PEAK1: variants seen among roughly 807,000 people sequenced by gnomAD.
PEAK1 encodes the protein inactive tyrosine-protein kinase PEAK1.
Under a neutral mutation model 124.7 loss-of-function variants are expected in PEAK1, and 54 were observed. That is an observed-to-expected ratio of 0.43 (90% CI 0.35 to 0.54). The LOEUF (loss-of-function observed/expected upper bound fraction) is 0.54. PEAK1 is among the 20% of genes least tolerant of loss of function. PEAK1 has a pLI of 0.01. For missense variants in PEAK1, 2,046 were observed against 2,134.5 expected (o/e 0.96, Z 0.82); for synonymous variants, 719 against 760.0 (o/e 0.95, Z 0.89).
At chr15:77,315,615 TA>T (rs200451882) in intron 2 of PEAK1, among the ~76,000 whole-genome samples, 10 of 146,802 alleles carry the variant, frequency 6.8e-5, no homozygotes, top group African/African-American at 2.3e-4. Context: ...CACGGATGAG[TA>T]AAAAAAATAA....
chr15:77,176,676 T>A (rs911720492), intron 7 of PEAK1, among the ~76,000 whole-genome samples: 3 of 152,176 alleles, frequency 2.0e-5, no homozygotes, highest in African/African-American at 7.2e-5. Context: ...ATGTATAACC[T>A]AATTGTGAAA....
At position 77,210,884 on chromosome 15, in the gene PEAK1, T is replaced by C. The variant is rs1428174829; in HGVS notation, c.-114-28844A>G. On this transcript the variant is annotated intron_variant, in intron 6 of 9. Transcript: ENST00000682557. ...TGCTCAGGGCGACAGAGCAAGTCTC[T>C]GTCTCAAAAAACAAAAACAAAATTC... Among the ~76,000 whole-genome samples the C allele has an allele frequency of 2.0e-5, 3 of 152,196 alleles. 1 individual carries two copies. The East Asian group carries it at 5.8e-4, about 29-fold the overall frequency.
Position 77,245,565 on chromosome 15 carries a change from G to A in PEAK1, c.-115+6802C>T, listed in dbSNP as rs557566125. 1.7e-3 allele frequency among the ~76,000 whole-genome samples: 254 copies of A among 152,126 alleles called. 1 individual carries two copies. The highest frequency in any genetic ancestry group is 5.9e-3 in the African/African-American group (243 of 41,526). On this transcript the variant is annotated intron_variant, in intron 6 of 9. Coordinates refer to ENST00000682557, the MANE Select transcript of PEAK1 (RefSeq NM_001385026.1). Reference sequence around the variant, plus strand: ...AATACAAAAATTAGCCGGGCGTGGTGGCACACACCTGTAGTCCCAGCTACT... The same window carrying A: ...AATACAAAAATTAGCCGGGCGTGGTAGCACACACCTGTAGTCCCAGCTACT...
intron 2 of PEAK1, among the ~76,000 whole-genome samples, chr15:77,323,393 C>CCCCATTAAGG (rs2065361388): frequency 6.6e-6 from 1 of 152,152 alleles, no homozygotes; most frequent in African/African-American, 2.4e-5. Flanking sequence ...CCCATTGTCT[C>CCCCATTAAGG]AGCCCAAAAT....
chr15:77,265,937 G>T (rs1483536053), intron 5 of PEAK1, among the ~76,000 whole-genome samples: 10 of 152,132 alleles, frequency 6.6e-5, no homozygotes, highest in East Asian at 1.9e-4. Flanking sequence ...TAAAAAATGA[G>T]GAGTTCATGT....
At chr15:77,285,510 T>C (rs572072549) in intron 3 of PEAK1, among the ~76,000 whole-genome samples, 1 of 152,288 alleles carries the variant, frequency 6.6e-6, no homozygotes, top group Non-Finnish European at 1.5e-5. Context: ...TAGGGAACAT[T>C]GTGACATAAT....
At chr15:77,261,414 G>C (rs1243983302) in intron 5 of PEAK1, among the ~76,000 whole-genome samples, 1 of 152,164 alleles carries the variant, frequency 6.6e-6, no homozygotes, top group Non-Finnish European at 1.5e-5. Context: ...AACCAATGCA[G>C]AGAAGTCCTT....
Position 77,133,488 on chromosome 15 carries a change from A to G in PEAK1, c.3594T>C (p.Ser1198=). 6.2e-7 allele frequency: 1 copy of G among 1,614,242 alleles called. No individual in the cohort carries two copies. The highest frequency in any genetic ancestry group is 1.7e-5 in the Admixed American group (1 of 60,028). ...GTTCATAGCTGATGGAAGAACCAGC[A>G]CTGCTGGCATCCCAGTTGGGGTCGA... ...YDIDPNWDAS[S]AGSSISYELK... is the part of the protein sequence containing the mutation. The change falls in exon 9 of 10, where the codon AGT becomes AGC. Residue 1198 remains serine (S), a synonymous_variant. Coordinates refer to ENST00000682557, the MANE Select transcript of PEAK1 (RefSeq NM_001385026.1). This position sits in a 1 kb window ranked among gnomAD's most constrained non-coding sequence, Gnocchi z 4.2.
At chr15:77,167,906 G>A (rs1358000801) in intron 7 of PEAK1, among the ~76,000 whole-genome samples, 1 of 151,718 alleles carries the variant, frequency 6.6e-6, no homozygotes, top group East Asian at 1.9e-4. Flanking sequence ...CCCCACGACA[G>A]GCCCCGGTGT....
chr15:77,289,076 C>G (rs7163620), intron 2 of PEAK1, among the ~76,000 whole-genome samples: 54,817 of 151,924 alleles, frequency 0.36, 10,034 homozygotes, highest in Non-Finnish European at 0.38. Flanking sequence ...CTATAAAGAG[C>G]CTTAGATACT....
intron 6 of PEAK1, among the ~76,000 whole-genome samples, chr15:77,218,311 T>C (rs756184932): frequency 6.6e-6 from 1 of 152,130 alleles, no homozygotes; most frequent in Non-Finnish European, 1.5e-5. Flanking sequence ...TCCCCATTAC[T>C]TTGATACAAA....
chr15:77,227,421 A>T (rs1300561308), intron 6 of PEAK1, among the ~76,000 whole-genome samples: 2 of 152,138 alleles, frequency 1.3e-5, no homozygotes, highest in African/African-American at 4.8e-5. Context: ...AATGAACAAC[A>T]TACAGACAGG....
At chr15:77,271,333 G>A (rs1221211044) in intron 5 of PEAK1, among the ~76,000 whole-genome samples, 1 of 152,102 alleles carries the variant, frequency 6.6e-6, no homozygotes, top group African/African-American at 2.4e-5. Flanking sequence ...ACTGTTGGTG[G>A]GACTGTAAAC....
At chr15:77,308,355 C>T (rs940749633) in intron 2 of PEAK1, among the ~76,000 whole-genome samples, 13 of 152,022 alleles carry the variant, frequency 8.6e-5, no homozygotes, top group African/African-American at 2.2e-4. Context: ...CCCATGTAGG[C>T]GTTTGAAATA....
intron 1 of PEAK1, among the ~76,000 whole-genome samples, chr15:77,416,304 T>C (rs550523486): frequency 6.6e-6 from 1 of 152,344 alleles, no homozygotes; most frequent in South Asian, 2.1e-4. Context: ...AACAGAAATG[T>C]AGGAATCATC....
At chr15:77,313,644 A>ATGTGTGTGTGTGTGTG (rs1166778709) in intron 2 of PEAK1, among the ~76,000 whole-genome samples, 7 of 75,400 alleles carry the variant, frequency 9.3e-5, no homozygotes, top group Non-Finnish European at 1.4e-4. Flanking sequence ...GTATGTATGT[A>ATGTGTGTGTGTGTGTG]TGTATGTATG....
At chr15:77,285,516 A>G (rs2062878697) in intron 3 of PEAK1, among the ~76,000 whole-genome samples, 1 of 152,232 alleles carries the variant, frequency 6.6e-6, no homozygotes, top group Admixed American at 6.5e-5. Flanking sequence ...ACATTGTGAC[A>G]TAATGGAAGG....
At position 77,158,669 on chromosome 15, in the gene PEAK1, A is replaced by C; in HGVS notation, c.3165T>G (p.Asp1055Glu). The C allele has an allele frequency of 6.2e-7, 1 of 1,614,006 alleles. No homozygotes were observed. The highest frequency in any genetic ancestry group is 8.5e-7 in the Non-Finnish European group (1 of 1,179,924). Residue 1055 changes from aspartate to glutamate, a missense_variant, in exon 8 of 10, where the codon GAT becomes GAG. Coordinates refer to ENST00000682557, the MANE Select transcript of PEAK1 (RefSeq NM_001385026.1). ...CAGTTCTTGGATCCCGAGGAGAAAA[A>C]TCCTCTGTTACTTCATGGGTCATGT... ...LSHMTHEVTE[D>E]FSPRDPRTVV...
At position 77,182,009 on chromosome 15, in the gene PEAK1, G is replaced by T; in HGVS notation, c.-83C>A. The T allele has an allele frequency of 6.7e-7, 1 of 1,493,426 alleles. No homozygotes were observed. 92.5% of individuals were successfully genotyped at this position (1,493,426 alleles called of 1,614,324 possible). ...ATCTGTTAGTTTTCACTTCCCCTAT[G>T]TGTTACAGCAGCTCTTCTAAGAATG... On this transcript the variant is annotated 5_prime_UTR_variant, in exon 7 of 10. Coordinates refer to ENST00000682557, the MANE Select transcript of PEAK1 (RefSeq NM_001385026.1).
Sources: gnomAD v4.1 joint callset for allele counts (sites outside exome capture counted in the v4.1 genomes callset) on GRCh38, gnomAD v4.1.1 for gene constraint, Gnocchi (gnomAD v3.1) non-coding constraint, MANE v1.5 for transcripts, NCBI Gene and HGNC (gene_info 2026-07-23, HGNC 2026-07-21) for gene names.